The following COL4A3 variants were observed in gnomAD, a reference collection of about 807,000 sequenced individuals.
COL4A3 encodes the protein collagen alpha-3(IV) chain.
In COL4A3, 135 loss-of-function variants were observed where a neutral mutation model predicts 217.4. That is an observed-to-expected ratio of 0.62 (90% CI 0.54 to 0.72). The LOEUF (loss-of-function observed/expected upper bound fraction) is 0.72, where lower values mean the gene tolerates loss of function less well. Among genes scored for constraint, COL4A3 ranks in the 30% least tolerant of loss-of-function variants. The pLI is 0.00. For synonymous variants in COL4A3, 690 were observed against 736.3 expected, an observed-to-expected ratio of 0.94 and a Z score of 1.02; for missense variants, 1,868 against 2,119.9, an observed-to-expected ratio of 0.88 and a Z score of 2.33.
Position 227,282,037 on chromosome 2 carries a change from C to T in COL4A3, c.2489-328C>T, listed in dbSNP as rs189194210. Among the ~76,000 whole-genome samples, 136 of 152,138 alleles carry T rather than the reference C, an allele frequency of 8.9e-4. No individual in the cohort carries two copies. Among genetic ancestry groups the T allele is most frequent in the African/African-American group, 3.0e-3 (126 of 41,496 alleles). ...CTGTAATCCCAGCACTATGGGAGGC[C>T]GAGGTGGGCGGATCATTTGAGGTCA... is the stretch of plus-strand genomic sequence containing the variant. On this transcript the variant is annotated intron_variant, in intron 31 of 51. Coordinates refer to ENST00000396578, the MANE Select transcript of COL4A3 (RefSeq NM_000091.5). The surrounding 1 kb of genome is among the most constrained non-coding windows in gnomAD (Gnocchi z 4.4).
chr2:227,280,740 T>G, intron 30 of COL4A3, 150 bp downstream of exon 30: 1 of 1,102,808 alleles, frequency 9.1e-7, no homozygotes, highest in Non-Finnish European at 1.4e-6. Context: ...CTTCCTTCTT[T>G]TTTAATGAGT....
intron 3 of COL4A3, among the ~76,000 whole-genome samples, chr2:227,243,364 A>G (rs1024535145): frequency 1.3e-5 from 2 of 152,242 alleles, no homozygotes; most frequent in African/African-American, 2.4e-5. Context: ...GATGTTTTAG[A>G]TTTACAAGAT....
Position 227,290,834 on chromosome 2 carries a change from A to C in COL4A3, c.3158A>C (p.Lys1053Thr). The change falls in exon 37 of 52, where the codon AAG becomes ACG. Residue 1053 changes from lysine (K) to threonine (T), a missense_variant. Lys to Thr is a moderately conservative substitution (Grantham distance 78, BLOSUM62 -1). Around this residue, in one of 2 missense-constraint regions of COL4A3, gnomAD observed 1,503 missense variants for 1,786.1 expected, o/e 0.84. Transcript: ENST00000396578. ...GGTATTCATGGTCTCCAGGGAGATA[A>C]GGGAGAGCCAGGTTATTCAGAAGGT... ...LPGIHGLQGD[K>T]GEPGYSEGTR... The C allele has an allele frequency of 6.2e-7, 1 of 1,613,836 alleles. No homozygotes were observed.
chr2:227,193,724 A>AGAAG (rs2066331437), intron 1 of COL4A3, among the ~76,000 whole-genome samples: 1 of 98,254 alleles, frequency 1.0e-5, no homozygotes, highest in Non-Finnish European at 2.2e-5. Context: ...AAAGAAAGAA[A>AGAAG]GAAGGAAGGA....
At chr2:227,294,256 G>A in intron 38 of COL4A3, 2 of 534,972 alleles carry the variant, frequency 3.7e-6, no homozygotes, top group South Asian at 2.3e-5. Context: ...CGCATATTGA[G>A]TGGTGCTTGT....
At chr2:227,202,684 G>C (rs113549073) in intron 1 of COL4A3, among the ~76,000 whole-genome samples, 4 of 145,320 alleles carry the variant, frequency 2.8e-5, no homozygotes, top group East Asian at 2.0e-4. Context: ...GCAGTGAGCC[G>C]AGATAGCGCC....
At chr2:227,228,437 G>GT (rs2068217525) in intron 1 of COL4A3, 1 of 152,666 alleles carries the variant, frequency 6.6e-6, no homozygotes, top group South Asian at 2.1e-4. Flanking sequence ...TGGCTGGGCA[G>GT]AGGGACTGGC....
At chr2:227,176,707 G>A (rs1368750961) in intron 1 of COL4A3, among the ~76,000 whole-genome samples, 2 of 152,110 alleles carry the variant, frequency 1.3e-5, no homozygotes, top group African/African-American at 4.8e-5. Context: ...TTTCCCACCG[G>A]GATATTTTGG....
At chr2:227,195,680 T>TGC (rs1368724872) in intron 1 of COL4A3, among the ~76,000 whole-genome samples, 1 of 150,154 alleles carries the variant, frequency 6.7e-6, no homozygotes, top group African/African-American at 2.5e-5. Context: ...TGTGTGTGTG[T>TGC]GTGTGTGTGT....
rs766054715 is a variant in COL4A3, at chr2:227,304,965, C to A, written c.4154-20C>A. On this transcript the variant is annotated intron_variant, in intron 46 of 51. Transcript: ENST00000396578. ...TCATCCTATATGATAAAATGCAATA[C>A]AATGTTGGTTTTTGCCTAGGACCCT... 6.3e-7 allele frequency: 1 copy of A among 1,599,380 alleles called. No individual in the cohort carries two copies. Among genetic ancestry groups the A allele is most frequent in the African/African-American group, 1.3e-5 (1 of 74,672 alleles).
intron 3 of COL4A3, among the ~76,000 whole-genome samples, chr2:227,242,978 T>G (rs2069114994): frequency 6.6e-6 from 1 of 152,210 alleles, no homozygotes; most frequent in South Asian, 2.1e-4. Context: ...GAACACTGAC[T>G]TCCTCTAAGG....
chr2:227,195,505 A>G (rs1006463303), intron 1 of COL4A3, among the ~76,000 whole-genome samples: 3 of 152,212 alleles, frequency 2.0e-5, no homozygotes, highest in African/African-American at 7.2e-5. Context: ...TGGTAATGCT[A>G]GTGTAAACAA....
intron 6 of COL4A3, chr2:227,246,413 T>C: frequency 1.9e-6 from 1 of 536,656 alleles, no homozygotes; most frequent in Middle Eastern, 5.1e-4. Context: ...ATGAACTAAT[T>C]ACTCAAGTTT....
At chr2:227,273,247 C>A in intron 26 of COL4A3, 130 bp downstream of exon 26, 1 of 988,906 alleles carries the variant, frequency 1.0e-6, no homozygotes, top group Non-Finnish European at 1.6e-6. Flanking sequence ...TGTCAACTCA[C>A]AGATACCAGG....
Position 227,307,774 on chromosome 2 carries a change from A to G in COL4A3, c.4317A>G (p.Ala1439=), listed in dbSNP as rs2073569499. The change falls in exon 48 of 52, where the codon GCA becomes GCG. Residue 1439 remains alanine, a synonymous_variant. Transcript: ENST00000396578. ...AACGTGGAGACAGTGGATCACCTGC[A>G]ACCTGGACAACGAGAGGCTTTGTCT... ...KGKRGDSGSP[A]TWTTRGFVFT... is the part of the protein sequence containing the mutation. The G allele has an allele frequency of 1.2e-6, 2 of 1,614,178 alleles. No homozygotes were observed. The highest frequency in any genetic ancestry group is 1.7e-6 in the Non-Finnish European group (2 of 1,180,014).
At chr2:227,188,411 TGA>T (rs2066110879) in intron 1 of COL4A3, among the ~76,000 whole-genome samples, 1 of 151,948 alleles carries the variant, frequency 6.6e-6, no homozygotes, top group Admixed American at 6.6e-5. Flanking sequence ...CGAGCCATTG[TGA>T]GTCATTGGCT....
chr2:227,303,056 G>T lies in COL4A3; in HGVS notation c.3901G>T (p.Gly1301Cys), dbSNP rs780735618. Residue 1301 changes from glycine (G) to cysteine (C), a missense_variant, in exon 44 of 52, where the codon GGT becomes TGT. Around this residue, in one of 2 missense-constraint regions of COL4A3, gnomAD observed 1,503 missense variants for 1,786.1 expected, o/e 0.84. Coordinates refer to ENST00000396578, the MANE Select transcript of COL4A3 (RefSeq NM_000091.5). ...PGRLGAPGTP[G>C]LPGPRGDPGF... ...AATATAGGGAGCACCAGGTACTCCA[G>T]GTCTTCCAGGACCCAGAGGTGATCC... 3 of 1,613,870 alleles carry T rather than the reference G, an allele frequency of 1.9e-6. No individual in the cohort carries two copies. The South Asian group carries it at 3.3e-5, about 18-fold the overall frequency.
intron 2 of COL4A3, among the ~76,000 whole-genome samples, chr2:227,239,843 T>C (rs1009364620): frequency 6.6e-6 from 1 of 152,108 alleles, no homozygotes; most frequent in Admixed American, 6.6e-5. Context: ...TCCCTTTCAT[T>C]TTTTATTCCG....
At chr2:227,285,520 GA>G (rs150656565) in intron 34 of COL4A3, among the ~76,000 whole-genome samples, 26,552 of 147,506 alleles carry the variant, frequency 0.18, 2,342 homozygotes, top group Non-Finnish European at 0.19. Context: ...GCCAAGATAT[GA>G]AAAAAAAAAA....
Sources: gnomAD v4.1 joint callset for allele counts (sites outside exome capture counted in the v4.1 genomes callset) on GRCh38, gnomAD v4.1.1 for gene constraint, gnomAD v4.1.1 regional missense constraint, Gnocchi (gnomAD v3.1) non-coding constraint, MANE v1.5 for transcripts, NCBI Gene and HGNC (gene_info 2026-07-23, HGNC 2026-07-21) for gene names.